The following ALK variants were observed in gnomAD, a reference collection of about 807,000 sequenced individuals.
ALK encodes the protein ALK tyrosine kinase receptor.
ALK carries 74 observed loss-of-function variants against 163.1 expected under a neutral mutation model. That is an observed-to-expected ratio of 0.45 (90% CI 0.38 to 0.55). The LOEUF is 0.55. ALK is among the 20% of genes least tolerant of loss of function. The pLI is 0.00. For synonymous variants in ALK, 960 were observed against 843.2 expected (o/e 1.14, Z -2.40); for missense variants, 2,063 against 2,105.3 (o/e 0.98, Z 0.39).
At chr2:29,481,839 G>C (rs1671665658) in intron 4 of ALK, among the ~76,000 whole-genome samples, 1 of 152,168 alleles carries the variant, frequency 6.6e-6, no homozygotes, top group Non-Finnish European at 1.5e-5. Context: ...TCAGGAAAGA[G>C]GGTCAAGGTG....
At chr2:29,224,745 C>T (rs571327008) in intron 19 of ALK, 1 of 216,760 alleles carries the variant, frequency 4.6e-6, no homozygotes, top group South Asian at 1.9e-4. Flanking sequence ...CAAGTGTTAG[C>T]TCCTATTATC....
chr2:29,285,268 T>TG lies in ALK; in HGVS notation c.1818-9773_1818-9772insC, dbSNP rs1665822848. Among the ~76,000 whole-genome samples, 2 of 14,366 alleles carry TG rather than the reference T, an allele frequency of 1.4e-4. 1 individual carries two copies. The allele number at this position is 14,366 out of a possible 152,430, so 9.4% of individuals were successfully genotyped here. A position where few individuals can be genotyped will look rare whatever the true frequency, so the allele number is the denominator to read the frequency against. ...TCAGTGGCTTTCTTATTTTTTCTTC[T>TG]TTTTTGAGACAGAGTCTAGCTCTGC... On this transcript the variant is annotated intron_variant, in intron 9 of 28. Transcript: ENST00000389048.
At chr2:29,850,548 T>C (rs1274749134) in intron 1 of ALK, among the ~76,000 whole-genome samples, 1 of 152,172 alleles carries the variant, frequency 6.6e-6, no homozygotes, top group African/African-American at 2.4e-5. Flanking sequence ...GGAATTCTCA[T>C]TGGCAACTGC....
rs112353348 is a variant in ALK, at chr2:29,869,410, A to G, written c.667+50583T>C. On this transcript the variant is annotated intron_variant, in intron 1 of 28. Coordinates refer to ENST00000389048, the MANE Select transcript of ALK (RefSeq NM_004304.5). ...TATCCCTTGACCTAATAACTATCTAATTGTCTCAATATTACCCCTAACAGA... is the reference window on the plus strand; with the variant it reads ...TATCCCTTGACCTAATAACTATCTAGTTGTCTCAATATTACCCCTAACAGA... Among the ~76,000 whole-genome samples, 1,460 of 152,322 alleles carry G rather than the reference A, an allele frequency of 9.6e-3. 33 individuals are homozygous for G. Among genetic ancestry groups the G allele is most frequent in the African/African-American group, 0.034 (1,393 of 41,572 alleles).
chr2:29,888,243 A>ATTTTTT (rs1392266625), intron 1 of ALK, among the ~76,000 whole-genome samples: 1 of 42,558 alleles, frequency 2.3e-5, no homozygotes, highest in Non-Finnish European at 5.5e-5. Context: ...GGTCCAATAA[A>ATTTTTT]TTGTTTTTTT....
chr2:29,262,879 C>G lies in ALK; in HGVS notation c.2042-11612G>C, dbSNP rs150660994. Among the ~76,000 whole-genome samples, 1,003 of 152,346 alleles carry G rather than the reference C, an allele frequency of 6.6e-3. 12 individuals are homozygous for G. Among genetic ancestry groups the G allele is most frequent in the African/African-American group, 0.023 (938 of 41,576 alleles). ...TGCTGTATTGTGTTCGCAGCCACCC[C>G]CTGCTCCCCAAGGGAAAGTCAGGAA... On this transcript the variant is annotated intron_variant, in intron 11 of 28. Transcript: ENST00000389048.
chr2:29,814,521 G>A (rs1299278772), intron 1 of ALK, among the ~76,000 whole-genome samples: 2 of 151,868 alleles, frequency 1.3e-5, no homozygotes. Flanking sequence ...TTAGCTGGGC[G>A]AGGTGGCAGG....
intron 4 of ALK, among the ~76,000 whole-genome samples, chr2:29,460,521 CA>C (rs575659446): frequency 2.6e-5 from 4 of 152,238 alleles, no homozygotes; most frequent in Admixed American, 2.6e-4. Flanking sequence ...CTCTGTGTCA[CA>C]TTTTGATACT....
At chr2:29,521,915 G>A (rs995904864) in intron 4 of ALK, among the ~76,000 whole-genome samples, 1 of 152,166 alleles carries the variant, frequency 6.6e-6, no homozygotes, top group African/African-American at 2.4e-5. Flanking sequence ...TATGACCTTC[G>A]GCAGTGCCAG....
At chr2:29,809,766 C>T (rs1038528825) in intron 1 of ALK, among the ~76,000 whole-genome samples, 1 of 152,202 alleles carries the variant, frequency 6.6e-6, no homozygotes, top group Non-Finnish European at 1.5e-5. Context: ...GAGACATATA[C>T]AAGGCCAGGG....
At chr2:29,497,648 G>A (rs1263797144) in intron 4 of ALK, among the ~76,000 whole-genome samples, 7 of 152,222 alleles carry the variant, frequency 4.6e-5, no homozygotes, top group East Asian at 1.9e-4. Flanking sequence ...GTGTCCAGGC[G>A]CTGCATTCCT....
At chr2:29,498,510 T>C (rs149807712) in intron 4 of ALK, among the ~76,000 whole-genome samples, 1 of 152,158 alleles carries the variant, frequency 6.6e-6, no homozygotes, top group African/African-American at 2.4e-5. Flanking sequence ...ATCAGTGCCA[T>C]GTCTATTGTC....
At chr2:29,749,222 G>T (rs1464108141) in intron 1 of ALK, among the ~76,000 whole-genome samples, 1 of 152,194 alleles carries the variant, frequency 6.6e-6, no homozygotes, top group East Asian at 1.9e-4. Context: ...CTGGGGTGGA[G>T]CCCAAGAATT....
intron 1 of ALK, among the ~76,000 whole-genome samples, chr2:29,832,916 C>T (rs560484503): frequency 2.0e-5 from 3 of 152,254 alleles, no homozygotes; most frequent in Admixed American, 6.5e-5. Flanking sequence ...CCTGAGAAGG[C>T]GGCAGTTGAG....
intron 4 of ALK, among the ~76,000 whole-genome samples, chr2:29,510,482 G>T (rs527889573): frequency 6.6e-6 from 1 of 152,218 alleles, no homozygotes; most frequent in South Asian, 2.1e-4. Context: ...TTGGGAAGTT[G>T]CTTAATTTCC....
At chr2:29,732,261 T>C (rs762324523) in intron 1 of ALK, among the ~76,000 whole-genome samples, 1 of 152,166 alleles carries the variant, frequency 6.6e-6, no homozygotes, top group Non-Finnish European at 1.5e-5. Context: ...TAGTAGAAAG[T>C]GTGACTATTA....
intron 5 of ALK, among the ~76,000 whole-genome samples, chr2:29,361,666 C>T (rs1668391379): frequency 2.0e-5 from 3 of 152,166 alleles, no homozygotes; most frequent in Admixed American, 2.0e-4. Flanking sequence ...CCTGTGGGGT[C>T]TGCAATTTGG....
At chr2:29,355,278 C>T (rs1054265740) in intron 5 of ALK, among the ~76,000 whole-genome samples, 1 of 152,182 alleles carries the variant, frequency 6.6e-6, no homozygotes, top group Non-Finnish European at 1.5e-5. Flanking sequence ...CCTGATTCTC[C>T]TATTTTCAGC....
chr2:29,270,244 C>T (rs1430707805), intron 11 of ALK, among the ~76,000 whole-genome samples: 1 of 152,232 alleles, frequency 6.6e-6, no homozygotes, highest in African/African-American at 2.4e-5. Context: ...GAAATTTTCA[C>T]TTTCTGCATG....
Sources: gnomAD v4.1 joint callset for allele counts (sites outside exome capture counted in the v4.1 genomes callset) on GRCh38, gnomAD v4.1.1 for gene constraint, MANE v1.5 for transcripts, NCBI Gene and HGNC (gene_info 2026-07-23, HGNC 2026-07-21) for gene names.